The following HECW2 variants were observed in gnomAD, a reference collection of about 807,000 sequenced individuals.
HECW2 encodes E3 ubiquitin-protein ligase HECW2.
A neutral mutation model predicts 175.2 loss-of-function variants in HECW2; 61 were observed. The observed-to-expected ratio is 0.35, with a 90% CI of 0.28 to 0.43. The LOEUF is 0.43. HECW2 is among the 20% of genes least tolerant of loss of function. The pLI is 1.00. For missense variants in HECW2, 1,524 were observed against 2,000.5 expected (o/e 0.76, Z 4.54); for synonymous variants, 671 against 731.0 (o/e 0.92, Z 1.32).
Position 196,382,701 on chromosome 2 carries a change from T to G in HECW2, c.293-38937A>C, listed in dbSNP as rs981886855. Among the ~76,000 whole-genome samples, 15 of 151,664 alleles carry G rather than the reference T, an allele frequency of 9.9e-5. No individual in the cohort carries two copies. The Middle Eastern group carries it at 0.014, about 138-fold the overall frequency. The stretch of plus-strand genomic sequence containing the variant: ...ACGTGCCCTACTTTGTCTTCATTAT[T>G]TATAAATAACCTGGCTTTAAAAAGC... On this transcript the variant is annotated intron_variant, in intron 2 of 28. Coordinates refer to ENST00000644978, the MANE Select transcript of HECW2 (RefSeq NM_001348768.2).
intron 1 of HECW2, among the ~76,000 whole-genome samples, chr2:196,523,168 T>C (rs1575633377): frequency 6.6e-6 from 1 of 152,206 alleles, no homozygotes; most frequent in Non-Finnish European, 1.5e-5. Flanking sequence ...CAGTGGTTTG[T>C]ACTCCTTGAA....
At chr2:196,246,504 C>T (rs1405358719) in intron 19 of HECW2, among the ~76,000 whole-genome samples, 2 of 152,146 alleles carry the variant, frequency 1.3e-5, no homozygotes, top group Non-Finnish European at 2.9e-5. Flanking sequence ...CCTGCCTCAG[C>T]CTCCTGAGTA....
At chr2:196,206,678 G>A (rs1014363566) in intron 28 of HECW2, among the ~76,000 whole-genome samples, 1 of 152,178 alleles carries the variant, frequency 6.6e-6, no homozygotes, top group African/African-American at 2.4e-5. Flanking sequence ...TTTACACTGT[G>A]GCAGCAAAAT....
chr2:196,343,095 T>G (rs1409114726), intron 3 of HECW2, among the ~76,000 whole-genome samples: 1 of 151,338 alleles, frequency 6.6e-6, no homozygotes, highest in Admixed American at 6.6e-5. Flanking sequence ...TGTATATACA[T>G]ATACACACAT....
At chr2:196,289,778 C>T (rs534081989) in intron 14 of HECW2, 14 of 152,140 alleles carry the variant, frequency 9.2e-5, no homozygotes, top group Admixed American at 5.9e-4. Flanking sequence ...CTATTAGCTG[C>T]CTATTCATAA....
rs770504505 is a variant in HECW2 at position 196,306,469 on chromosome 2, T to C, written c.2814+19A>G. ...TGGCCTGCTGTTTTCCTTCACACTCTTTCAGATTCGCTACTCACAGGGTTA... is the reference window on the plus strand; with the variant it reads ...TGGCCTGCTGTTTTCCTTCACACTCCTTCAGATTCGCTACTCACAGGGTTA... On this transcript the variant is annotated intron_variant, in intron 13 of 28. Coordinates refer to ENST00000644978, the MANE Select transcript of HECW2 (RefSeq NM_001348768.2). The C allele has an allele frequency of 4.4e-6, 7 of 1,596,984 alleles. No homozygotes were observed. The highest frequency in any genetic ancestry group is 6.0e-6 in the Non-Finnish European group (7 of 1,171,578).
In HECW2 at chr2:196,433,443, T is replaced by TTGGC; in HGVS notation, c.-24_-21dup. On this transcript the variant is annotated 5_prime_UTR_variant, in exon 2 of 29. Transcript: ENST00000644978. ...AGCCATCCCGTCTGCTTCTCTGGGATTGGCTGCCTACAAAGCTGCAAGAGA... is the reference window on the plus strand; with the variant it reads ...AGCCATCCCGTCTGCTTCTCTGGGATTGGCTGGCTGCCTACAAAGCTGCAAGAGA... The TTGGC allele has an allele frequency of 6.2e-7, 1 of 1,606,410 alleles. No homozygotes were observed. The highest frequency in any genetic ancestry group is 8.5e-7 in the Non-Finnish European group (1 of 1,175,930).
intron 17 of HECW2, among the ~76,000 whole-genome samples, chr2:196,269,659 T>C (rs770013254): frequency 6.6e-5 from 10 of 152,180 alleles, no homozygotes. Context: ...AAAATAATGA[T>C]GAGTTGGATA....
intron 1 of HECW2, among the ~76,000 whole-genome samples, chr2:196,583,759 C>T (rs2125531644): frequency 6.6e-6 from 1 of 152,282 alleles, no homozygotes; most frequent in South Asian, 2.1e-4. Context: ...ATAGATGGTT[C>T]CTTTAGCCAT....
At chr2:196,229,899 T>C (rs1687987502) in intron 21 of HECW2, among the ~76,000 whole-genome samples, 1 of 152,226 alleles carries the variant, frequency 6.6e-6, no homozygotes, top group African/African-American at 2.4e-5. Flanking sequence ...TGTTTCCCAA[T>C]GTACCTTAAA....
intron 28 of HECW2, among the ~76,000 whole-genome samples, chr2:196,212,317 A>G (rs1336429137): frequency 6.6e-6 from 1 of 151,960 alleles, no homozygotes; most frequent in Admixed American, 6.6e-5. Context: ...CCTAGTACCC[A>G]TTAGTTATTT....
At chr2:196,386,682 G>A (rs537158469) in intron 2 of HECW2, among the ~76,000 whole-genome samples, 33 of 152,102 alleles carry the variant, frequency 2.2e-4, no homozygotes, top group Non-Finnish European at 4.1e-4. Flanking sequence ...CTCCTTCCTA[G>A]GCAATGATTT....
chr2:196,323,632 G>C (rs373635314), intron 6 of HECW2, among the ~76,000 whole-genome samples: 3 of 152,144 alleles, frequency 2.0e-5, no homozygotes, highest in African/African-American at 7.2e-5. Context: ...CCCCACTTCT[G>C]TCTCTGAATA....
chr2:196,203,444 G>A (rs1363027329), intron 28 of HECW2, among the ~76,000 whole-genome samples: 2 of 152,226 alleles, frequency 1.3e-5, no homozygotes, highest in African/African-American at 4.8e-5. Context: ...TCTGTTCCAG[G>A]GGTAGGGGAG....
chr2:196,538,697 A>G (rs1174277463), intron 1 of HECW2, among the ~76,000 whole-genome samples: 2 of 152,186 alleles, frequency 1.3e-5, no homozygotes, highest in African/African-American at 2.4e-5. Context: ...TAACAGTCTC[A>G]TGAGCTAACA....
At chr2:196,583,516 C>G (rs1277224208) in intron 1 of HECW2, among the ~76,000 whole-genome samples, 1 of 152,146 alleles carries the variant, frequency 6.6e-6, no homozygotes, top group Non-Finnish European at 1.5e-5. Flanking sequence ...CCAACAAGCT[C>G]CCTGGTGATC....
chr2:196,377,246 T>C (rs1694076518), intron 2 of HECW2, among the ~76,000 whole-genome samples: 1 of 152,224 alleles, frequency 6.6e-6, no homozygotes, highest in East Asian at 1.9e-4. Flanking sequence ...TATATTATGG[T>C]CATTTTGATT....
At chr2:196,360,985 C>T (rs570703536) in intron 2 of HECW2, among the ~76,000 whole-genome samples, 75 of 152,322 alleles carry the variant, frequency 4.9e-4, no homozygotes, top group African/African-American at 1.7e-3. Flanking sequence ...CTCTCAGGCA[C>T]TAAATGCCAG....
At chr2:196,483,094 T>TAA (rs370614949) in intron 1 of HECW2, among the ~76,000 whole-genome samples, 1,573 of 110,392 alleles carry the variant, frequency 0.014, 40 homozygotes, top group African/African-American at 0.044. Flanking sequence ...TTCATAGTTG[T>TAA]AAAAAAAAAA....
Sources: gnomAD v4.1 joint callset for allele counts (sites outside exome capture counted in the v4.1 genomes callset) on GRCh38, gnomAD v4.1.1 for gene constraint, MANE v1.5 for transcripts, NCBI Gene and HGNC (gene_info 2026-07-23, HGNC 2026-07-21) for gene names.